URI1: variants seen among roughly 807,000 people sequenced by gnomAD.
The protein encoded by URI1 is URI1 prefoldin like chaperone, also known as unconventional prefoldin RPB5 interactor 1.
URI1 carries 39 observed loss-of-function variants against 60.2 expected under a neutral mutation model. That is an observed-to-expected ratio of 0.65 (90% CI 0.50 to 0.85). The LOEUF (loss-of-function observed/expected upper bound fraction) is 0.85. Among genes scored for constraint, URI1 ranks in the 40% least tolerant of loss-of-function variants. The probability of loss-of-function intolerance (pLI) is 0.00; values close to 1 mark genes in which losing one functional copy is unlikely to be tolerated. For synonymous variants in URI1, 251 were observed against 236.8 expected, an observed-to-expected ratio of 1.06 and a Z score of -0.55; for missense variants, 691 against 665.9, an observed-to-expected ratio of 1.04 and a Z score of -0.42.
chr19:29,946,155 A>G (rs1040313615), intron 1 of URI1, among the ~76,000 whole-genome samples: 1 of 151,454 alleles, frequency 6.6e-6, no homozygotes, highest in Non-Finnish European at 1.5e-5. Flanking sequence ...TTTGTCTTTA[A>G]CTAAATCTGT....
chr19:29,972,726 T>C (rs1295966518), intron 2 of URI1, among the ~76,000 whole-genome samples: 1 of 152,142 alleles, frequency 6.6e-6, no homozygotes, highest in Non-Finnish European at 1.5e-5. Flanking sequence ...TTATTTTCTA[T>C]ATAACATTTT....
In URI1 at chr19:30,005,641, T is replaced by C. The variant is rs760619006; in HGVS notation, c.460-10T>C. ...GTTGTTAATACGCTTTTTTTTTGTT[T>C]AAAAACCAGGCTGCAGGTGATATTG... On this transcript the variant is annotated splice_polypyrimidine_tract_variant and intron_variant, in intron 5 of 10. Coordinates refer to ENST00000392271, the MANE Select transcript of URI1 (RefSeq NM_003796.3). The C allele has an allele frequency of 1.2e-6, 2 of 1,605,776 alleles. No homozygotes were observed. The highest frequency in any genetic ancestry group is 1.7e-6 in the Non-Finnish European group (2 of 1,177,552).
chr19:30,013,905 G>A (rs2056053858), intron 10 of URI1, among the ~76,000 whole-genome samples: 2 of 151,974 alleles, frequency 1.3e-5, no homozygotes, highest in African/African-American at 4.8e-5. Flanking sequence ...TTTTGTTTCA[G>A]TGGTGGGGCA....
chr19:29,986,017 ACTTT>A lies in URI1; in HGVS notation c.232-260_232-257del, dbSNP rs910711051. Among the ~76,000 whole-genome samples, 8 of 152,158 alleles carry A rather than the reference ACTTT, an allele frequency of 5.3e-5. No individual in the cohort carries two copies. The East Asian group carries it at 5.8e-4, about 11-fold the overall frequency. Reference sequence around the variant, plus strand: ...AGTATAAACATGCCGAGACAGTACTACTTTCTTTAAGAGCTATATGTAAATATGG... The same window carrying A: ...AGTATAAACATGCCGAGACAGTACTACTTTAAGAGCTATATGTAAATATGG... On this transcript the variant is annotated intron_variant, in intron 3 of 10. Transcript: ENST00000392271.
intron 1 of URI1, chr19:29,956,691 G>A: frequency 1.3e-6 from 2 of 1,548,492 alleles, no homozygotes; most frequent in South Asian, 2.2e-5. Flanking sequence ...CGTTGATGGG[G>A]GAAGTGAGCA....
chr19:29,944,829 A>T (rs1026960202), intron 1 of URI1, among the ~76,000 whole-genome samples: 7 of 152,250 alleles, frequency 4.6e-5, no homozygotes, highest in African/African-American at 1.7e-4. Flanking sequence ...ACAAGGCCAC[A>T]AAATAAACTG....
At chr19:30,005,847 ATT>A in intron 6 of URI1, 139 bp downstream of exon 6, 1 of 710,402 alleles carries the variant, frequency 1.4e-6, no homozygotes, top group Non-Finnish European at 2.2e-6. Context: ...CTACTCATTG[ATT>A]TTTTTTTATG....
chr19:29,931,569 A>G (rs752714926), intron 1 of URI1, among the ~76,000 whole-genome samples: 5 of 152,184 alleles, frequency 3.3e-5, no homozygotes, highest in Non-Finnish European at 5.9e-5. Flanking sequence ...GGGCACTGAC[A>G]TATGCATTTT....
chr19:29,939,948 T>C (rs898098764), upstream of URI1, among the ~76,000 whole-genome samples: 3 of 152,148 alleles, frequency 2.0e-5, no homozygotes, highest in Non-Finnish European at 4.4e-5. Context: ...TGGGAAGCCA[T>C]GGAGGGCCCT....
chr19:29,956,348 T>A, intron 1 of URI1: 1 of 814,420 alleles, frequency 1.2e-6, no homozygotes, highest in Non-Finnish European at 1.8e-6. Context: ...ATCATTGAAA[T>A]ATCACAAGTA....
intron 1 of URI1, among the ~76,000 whole-genome samples, chr19:29,968,230 T>G (rs2055412991): frequency 6.6e-6 from 1 of 152,180 alleles, no homozygotes; most frequent in Non-Finnish European, 1.5e-5. Context: ...AATAATACAA[T>G]AAGTTTTTTT....
chr19:29,954,488 T>G (rs74256426), intron 1 of URI1, among the ~76,000 whole-genome samples: 4,331 of 151,166 alleles, frequency 0.029, 238 homozygotes, highest in East Asian at 0.22. Flanking sequence ...CCATTCCTGC[T>G]CTTACTTACC....
At chr19:29,931,262 T>C (rs1599646067) in intron 1 of URI1, among the ~76,000 whole-genome samples, 1 of 152,262 alleles carries the variant, frequency 6.6e-6, no homozygotes. Context: ...CAAAATACCA[T>C]GACAGGTGGC....
chr19:30,007,456 C>T lies in URI1; in HGVS notation c.518-14C>T, dbSNP rs1316398294. On this transcript the variant is annotated splice_polypyrimidine_tract_variant and intron_variant, in intron 6 of 10. Coordinates refer to ENST00000392271, the MANE Select transcript of URI1 (RefSeq NM_003796.3). Reference sequence around the variant, plus strand: ...TGGCTATTAACAGCCACGTCTTTTCCTTTTTCTAAATAGCAAAACACCGAA... The same window carrying T: ...TGGCTATTAACAGCCACGTCTTTTCTTTTTTCTAAATAGCAAAACACCGAA... 6.2e-7 allele frequency: 1 copy of T among 1,610,632 alleles called. No individual in the cohort carries two copies. Among genetic ancestry groups the T allele is most frequent in the Non-Finnish European group, 8.5e-7 (1 of 1,178,276 alleles).
chr19:29,939,574 A>C (rs1455843296), upstream of URI1, among the ~76,000 whole-genome samples: 1 of 152,134 alleles, frequency 6.6e-6, no homozygotes, highest in African/African-American at 2.4e-5. Context: ...GCGCCCGGCC[A>C]AAGCTGATCA....
chr19:29,980,736 A>G (rs993234418), intron 2 of URI1, among the ~76,000 whole-genome samples: 1 of 151,098 alleles, frequency 6.6e-6, no homozygotes, highest in Admixed American at 6.6e-5. Flanking sequence ...AGCCTGACCA[A>G]CATGGTGAAA....
intron 1 of URI1, among the ~76,000 whole-genome samples, chr19:29,924,807 G>T (rs1423581853): frequency 1.3e-5 from 2 of 152,156 alleles, no homozygotes; most frequent in Non-Finnish European, 2.9e-5. Flanking sequence ...TCCTGTCCAG[G>T]CTCTCTGAAC....
chr19:29,969,876 A>T (rs1432912943), intron 1 of URI1, among the ~76,000 whole-genome samples: 1 of 152,292 alleles, frequency 6.6e-6, no homozygotes, highest in East Asian at 1.9e-4. Flanking sequence ...ATGTAAAGTC[A>T]GTACTCTATT....
chr19:30,010,946 T>A, intron 8 of URI1, 148 bp from the exon 9 acceptor site: 1 of 789,484 alleles, frequency 1.3e-6, no homozygotes, highest in Non-Finnish European at 1.9e-6. Context: ...TTTAAAAAAT[T>A]CCATCTGATA....
Sources: gnomAD v4.1 joint callset for allele counts (sites outside exome capture counted in the v4.1 genomes callset) on GRCh38, gnomAD v4.1.1 for gene constraint, MANE v1.5 for transcripts, NCBI Gene and HGNC (gene_info 2026-07-23, HGNC 2026-07-21) for gene names.